GMCL1: variants seen among roughly 807,000 people sequenced by gnomAD.
The protein encoded by GMCL1 is germ cell-less protein-like 1.
In GMCL1, 54 loss-of-function variants were observed where a neutral mutation model predicts 75.5. The observed-to-expected ratio is 0.71, with a 90% confidence interval of 0.57 to 0.90. GMCL1 has a LOEUF of 0.90. Among genes scored for constraint, GMCL1 ranks in the 40% least tolerant of loss-of-function variants. The pLI is 0.00. For synonymous variants in GMCL1, 210 were observed against 209.6 expected (o/e 1.00, Z -0.02); for missense variants, 537 against 622.7 (o/e 0.86, Z 1.47).
intron 1 of GMCL1, among the ~76,000 whole-genome samples, chr2:69,835,623 G>A (rs1256571500): frequency 6.6e-6 from 1 of 152,124 alleles, no homozygotes; most frequent in Non-Finnish European, 1.5e-5. Context: ...GTAGAGCAGA[G>A]GTTCCCAAGC....
chr2:69,830,268 G>A (rs1674634454), intron 1 of GMCL1, 116 bp downstream of exon 1: 3 of 1,334,178 alleles, frequency 2.2e-6, no homozygotes, highest in African/African-American at 1.5e-5. Flanking sequence ...GAGAGGGGAC[G>A]TGCCCTTGAC....
intron 3 of GMCL1, 141 bp downstream of exon 3, chr2:69,839,694 T>C: frequency 1.8e-6 from 1 of 550,672 alleles, no homozygotes; most frequent in Non-Finnish European, 3.3e-6. Context: ...TGATGTTGAT[T>C]TACACCATAG....
chr2:69,871,617 A>C, intron 12 of GMCL1, 128 bp from the exon 13 acceptor site: 1 of 561,074 alleles, frequency 1.8e-6, no homozygotes, highest in Non-Finnish European at 3.1e-6. Context: ...ACAGTTTGAA[A>C]AGACTTCCTA....
chr2:69,860,610 T>C (rs974287863), intron 9 of GMCL1, among the ~76,000 whole-genome samples: 2 of 152,172 alleles, frequency 1.3e-5, no homozygotes, highest in Admixed American at 6.5e-5. Flanking sequence ...ACTAAAAATA[T>C]AGTTTCAGAT....
intron 13 of GMCL1, among the ~76,000 whole-genome samples, chr2:69,872,996 G>T (rs1200134458): frequency 6.6e-6 from 1 of 152,220 alleles, no homozygotes; most frequent in Non-Finnish European, 1.5e-5. Flanking sequence ...AGACAGGCTT[G>T]TGTTAATATA....
chr2:69,839,644 T>G (rs1010991500), intron 3 of GMCL1, 91 bp downstream of exon 3: 213 of 848,318 alleles, frequency 2.5e-4, no homozygotes, highest in Non-Finnish European at 3.8e-4. Context: ...TCCAGCCTTG[T>G]AGTCTAGAAA....
intron 9 of GMCL1, among the ~76,000 whole-genome samples, chr2:69,855,964 G>A (rs1675456532): frequency 6.6e-6 from 1 of 152,178 alleles, no homozygotes; most frequent in African/African-American, 2.4e-5. Flanking sequence ...TAATTTAAGT[G>A]TGCCTGTGAT....
Position 69,844,259 on chromosome 2 carries a change from A to G in GMCL1, c.758+63A>G, listed in dbSNP as rs916186582. The G allele has an allele frequency of 6.2e-5, 58 of 936,226 alleles. No individual in the cohort carries two copies. In the African/African-American group the frequency reaches 9.4e-4, roughly 15 times the overall value. The allele number at this position is 936,226 out of a possible 1,614,324, so 58.0% of individuals were successfully genotyped here. On this transcript the variant is annotated intron_variant, in intron 6 of 13. Coordinates refer to ENST00000282570, the MANE Select transcript of GMCL1 (RefSeq NM_178439.5). Reference sequence around the variant, plus strand: ...TAAAATATTGTTTATCATTTGTTAAAGTACATAACATTTTTGTAGAACACA... The same window carrying G: ...TAAAATATTGTTTATCATTTGTTAAGGTACATAACATTTTTGTAGAACACA...
chr2:69,861,818 C>T (rs1412074635), intron 10 of GMCL1, among the ~76,000 whole-genome samples: 1 of 152,156 alleles, frequency 6.6e-6, no homozygotes, highest in East Asian at 1.9e-4. Flanking sequence ...CACGGTGGCT[C>T]ACGCCTGTAA....
intron 11 of GMCL1, among the ~76,000 whole-genome samples, chr2:69,865,934 C>G (rs1201606361): frequency 6.6e-6 from 1 of 152,000 alleles, no homozygotes; most frequent in Non-Finnish European, 1.5e-5. Context: ...CATGCCCAGC[C>G]TTCTATTTAA....
chr2:69,840,976 T>A lies in GMCL1; in HGVS notation c.516T>A (p.Asp172Glu). ...TTGCATTTGGTTCACTGTATCGAGA[T>A]GATGTCTTGATAAAGCCCAGTCGAG... is the stretch of plus-strand genomic sequence containing the variant. Reference protein sequence around the residue: ...LQVAFGSLYRDDVLIKPSRVV... With the variant: ...LQVAFGSLYREDVLIKPSRVV... Residue 172 changes from aspartate to glutamate, a missense_variant, in exon 4 of 14, where the codon GAT becomes GAA. Transcript: ENST00000282570. 1 of 1,614,100 alleles carries A rather than the reference T, an allele frequency of 6.2e-7. No individual in the cohort carries two copies. The highest frequency in any genetic ancestry group is 8.5e-7 in the Non-Finnish European group (1 of 1,179,940).
chr2:69,863,090 G>A (rs1675706240), intron 10 of GMCL1, among the ~76,000 whole-genome samples: 1 of 152,088 alleles, frequency 6.6e-6, no homozygotes, highest in Non-Finnish European at 1.5e-5. Flanking sequence ...TCATTTTGGG[G>A]GAATTGGTTT....
chr2:69,839,609 T>C lies in GMCL1; in HGVS notation c.481+56T>C, dbSNP rs573561632. On this transcript the variant is annotated intron_variant, in intron 3 of 13. Coordinates refer to ENST00000282570, the MANE Select transcript of GMCL1 (RefSeq NM_178439.5). ...CAATCGTAAAAACATAATCTTATTCTTCTGGTAGAAGATAAATAATTCCTT... is the reference window on the plus strand; with the variant it reads ...CAATCGTAAAAACATAATCTTATTCCTCTGGTAGAAGATAAATAATTCCTT... The C allele has an allele frequency of 3.3e-5, 37 of 1,120,590 alleles. No individual in the cohort carries two copies. In the African/African-American group the frequency reaches 5.2e-4, roughly 16 times the overall value. The allele number at this position is 1,120,590 out of a possible 1,614,324, so 69.4% of individuals were successfully genotyped here.
At chr2:69,830,225 G>T in intron 1 of GMCL1, 73 bp downstream of exon 1, 1 of 1,485,684 alleles carries the variant, frequency 6.7e-7, no homozygotes. Flanking sequence ...GGCGCCTCGT[G>T]CGCTTGCGGG....
intron 9 of GMCL1, among the ~76,000 whole-genome samples, chr2:69,860,341 T>A (rs1675605629): frequency 6.6e-6 from 1 of 152,162 alleles, no homozygotes; most frequent in Non-Finnish European, 1.5e-5. Flanking sequence ...TGTTTCCACT[T>A]ACACAGGCTT....
chr2:69,837,543 A>C lies in GMCL1; in HGVS notation c.261-4A>C. 6.6e-7 allele frequency: 1 copy of C among 1,524,092 alleles called. No homozygotes were observed. The highest frequency in any genetic ancestry group is 8.8e-7 in the Non-Finnish European group (1 of 1,130,268). The allele number at this position is 1,524,092 out of a possible 1,614,324, so 94.4% of individuals were successfully genotyped here. On this transcript the variant is annotated splice_polypyrimidine_tract_variant and splice_region_variant and intron_variant, in intron 1 of 13. Transcript: ENST00000282570. ...ATATGTGACTTTTTCATTTCTTTTA[A>C]CAGGAAAAAATTAAAGAGTACATCT...
At chr2:69,878,772 A>T in intron 13 of GMCL1, 137 bp from the exon 14 acceptor site, 1 of 707,266 alleles carries the variant, frequency 1.4e-6, no homozygotes, top group South Asian at 1.6e-5. Flanking sequence ...CACACAGCTA[A>T]TGGGTGGGAG....
chr2:69,856,641 T>G (rs1330040335), intron 9 of GMCL1, among the ~76,000 whole-genome samples: 2 of 27,468 alleles, frequency 7.3e-5, no homozygotes, highest in East Asian at 3.7e-3. Context: ...TCTTCCCTCC[T>G]TTTTTTTTTT....
intron 13 of GMCL1, among the ~76,000 whole-genome samples, chr2:69,877,706 TTGTGTGTGTGTGTGTG>T (rs10549628): frequency 6.7e-6 from 1 of 149,830 alleles, no homozygotes; most frequent in African/African-American, 2.5e-5. Context: ...GATTGTGTGT[TTGTGTGTGTGTGTGTG>T]TGTGTGTGTG....
Sources: allele counts gnomAD v4.1 joint callset (sites outside exome capture counted in the v4.1 genomes callset), GRCh38; gene constraint gnomAD v4.1.1; transcripts MANE v1.5; gene names NCBI Gene and HGNC (gene_info 2026-07-23, HGNC 2026-07-21).